RNF149: variants seen among roughly 807,000 people sequenced by gnomAD.
RNF149 encodes the protein ring finger protein 149, also known as E3 ubiquitin-protein ligase RNF149.
Under a neutral mutation model 39.0 loss-of-function variants are expected in RNF149, and 21 were observed. That is an observed-to-expected ratio of 0.54 (90% CI 0.38 to 0.77). The LOEUF is 0.77. Ranked by LOEUF, RNF149 falls within the 30% of genes least tolerant of loss-of-function variation. The pLI is 0.00. For synonymous variants in RNF149, 209 were observed against 213.6 expected, an observed-to-expected ratio of 0.98 and a Z score of 0.19; for missense variants, 493 against 534.9, an observed-to-expected ratio of 0.92 and a Z score of 0.77.
downstream of RNF149, chr2:101,271,749 TAAA>T (rs758039618): frequency 5.3e-5 from 8 of 152,308 alleles, no homozygotes; most frequent in South Asian, 6.2e-4. Flanking sequence ...AATCACCTGT[TAAA>T]AAGAAGACAG....
At chr2:101,273,048 G>A, downstream of RNF149, 1 of 1,355,364 alleles carries the variant, frequency 7.4e-7, no homozygotes, top group Non-Finnish European at 9.8e-7. Context: ...TCATTCCTCA[G>A]TAGCTGGAGG....
chr2:101,299,763 T>C (rs985208384), intron 1 of RNF149, among the ~76,000 whole-genome samples: 1 of 152,244 alleles, frequency 6.6e-6, no homozygotes. Flanking sequence ...CGTTCACATT[T>C]ATGTCTCACT....
At chr2:101,307,054 T>C (rs1275508055) in intron 1 of RNF149, among the ~76,000 whole-genome samples, 2 of 152,138 alleles carry the variant, frequency 1.3e-5, no homozygotes, top group African/African-American at 4.8e-5. Context: ...TACTGGTCGT[T>C]ATTTTACCCG....
intron 1 of RNF149, among the ~76,000 whole-genome samples, chr2:101,296,621 A>T (rs546274483): frequency 6.6e-6 from 1 of 152,304 alleles, no homozygotes; most frequent in Admixed American, 6.5e-5. Context: ...TGAATTATTT[A>T]AAAAATCACG....
In RNF149 at chr2:101,276,910, G is replaced by T; in HGVS notation, c.*328C>A. 2.9e-6 allele frequency: 3 copies of T among 1,043,062 alleles called. No homozygotes were observed. Among genetic ancestry groups the T allele is most frequent in the Non-Finnish European group, 3.5e-6 (3 of 862,930 alleles). 64.6% of individuals were successfully genotyped at this position (1,043,062 alleles called of 1,614,324 possible). A position where few individuals can be genotyped will look rare whatever the true frequency, so the allele number is the denominator to read the frequency against. On this transcript the variant is annotated 3_prime_UTR_variant, in exon 7 of 7. Coordinates refer to ENST00000295317, the MANE Select transcript of RNF149 (RefSeq NM_173647.4). The stretch of plus-strand genomic sequence containing the variant: ...AAACCTTGAAAAATAGAATTAACTG[G>T]TTTTTACAGAACCATAGCAGCCAAT...
chr2:101,272,830 G>A (rs1273424645), downstream of RNF149: 2 of 677,760 alleles, frequency 3.0e-6, no homozygotes, highest in African/African-American at 3.7e-5. Context: ...CCCAGTATAT[G>A]GGGACAATCA....
At chr2:101,295,432 C>G (rs557452947) in intron 1 of RNF149, among the ~76,000 whole-genome samples, 2 of 151,984 alleles carry the variant, frequency 1.3e-5, no homozygotes, top group Non-Finnish European at 2.9e-5. Flanking sequence ...GAGGCCTAGG[C>G]GGGCGGATCA....
downstream of RNF149, chr2:101,272,736 T>C (rs547723406): frequency 1.1e-5 from 4 of 350,702 alleles, no homozygotes; most frequent in South Asian, 8.8e-5. Flanking sequence ...ATTGAGCAAA[T>C]AAACTTCAAC....
Position 101,301,286 on chromosome 2 carries a change from T to A in RNF149, c.461-6105A>T, listed in dbSNP as rs1573260313. Among the ~76,000 whole-genome samples, 3 of 152,008 alleles carry A rather than the reference T, an allele frequency of 2.0e-5. No homozygotes were observed. In the East Asian group the frequency reaches 5.8e-4, roughly 29 times the overall value. On this transcript the variant is annotated intron_variant, in intron 1 of 6. Coordinates refer to ENST00000295317, the MANE Select transcript of RNF149 (RefSeq NM_173647.4). ...GCACAATATCTTTGCACATAGTACA[T>A]AATCATAAATCTACTTGCTGAACAA...
intron 3 of RNF149, 52 bp downstream of exon 3, chr2:101,293,962 C>G: frequency 9.8e-7 from 1 of 1,024,974 alleles, no homozygotes; most frequent in Admixed American, 2.1e-5. Context: ...ACACGTACAG[C>G]ATATTCTCTA....
At chr2:101,272,894 C>T (rs1157646419), downstream of RNF149, 1 of 1,293,780 alleles carries the variant, frequency 7.7e-7, no homozygotes, top group African/African-American at 1.5e-5. Flanking sequence ...TTTGGGATGC[C>T]TTTCTTGACA....
At chr2:101,308,072 C>A in intron 1 of RNF149, 57 bp downstream of exon 1, 7 of 1,578,602 alleles carry the variant, frequency 4.4e-6, no homozygotes, top group Non-Finnish European at 5.2e-6. Context: ...ACCCTGAAGA[C>A]CCCAGCCTCG....
chr2:101,296,891 G>A (rs1225279995), intron 1 of RNF149, among the ~76,000 whole-genome samples: 1 of 152,086 alleles, frequency 6.6e-6, no homozygotes, highest in East Asian at 1.9e-4. Flanking sequence ...TTCACCATGA[G>A]TAAAAGCAAA....
intron 1 of RNF149, among the ~76,000 whole-genome samples, chr2:101,301,430 C>T (rs1196278191): frequency 6.6e-6 from 1 of 151,740 alleles, no homozygotes; most frequent in Admixed American, 6.6e-5. Context: ...CAGGCTCAGG[C>T]GAACCTCCCA....
Position 101,286,115 on chromosome 2 carries a change from C to T in RNF149, c.926G>A (p.Cys309Tyr), listed in dbSNP as rs1682783206. The T allele has an allele frequency of 1.2e-6, 2 of 1,611,920 alleles. No individual in the cohort carries two copies. Among genetic ancestry groups the T allele is most frequent in the Non-Finnish European group, 1.7e-6 (2 of 1,178,194 alleles). ...WLLDHRTCPMCKLDVIKALGY... is the reference protein window; with the variant it reads ...WLLDHRTCPMYKLDVIKALGY... ...TAGGGCTTTGATGACATCAAGTTTA[C>T]ACATTGGACATGTTCGGTGATCCAA... Residue 309 changes from cysteine to tyrosine, a missense_variant, in exon 5 of 7, where the codon TGT (cysteine) becomes TAT (tyrosine). Physicochemically the swap from Cys to Tyr is radical, Grantham distance 194 (BLOSUM62 -2). Transcript: ENST00000295317.
chr2:101,285,364 CT>C (rs1157795890), intron 5 of RNF149, among the ~76,000 whole-genome samples: 2 of 152,140 alleles, frequency 1.3e-5, no homozygotes, highest in African/African-American at 4.8e-5. Context: ...ATTAGGCAAA[CT>C]TTATTTGAAA....
intron 5 of RNF149, among the ~76,000 whole-genome samples, chr2:101,283,254 C>A (rs910723807): frequency 6.6e-6 from 1 of 152,196 alleles, no homozygotes; most frequent in African/African-American, 2.4e-5. Context: ...TGTCTGTATG[C>A]GTGCCCTGAC....
downstream of RNF149, chr2:101,273,083 G>A (rs755096960): frequency 7.3e-7 from 1 of 1,361,490 alleles, no homozygotes; most frequent in South Asian, 1.1e-5. Context: ...GAAAGGCTGT[G>A]TGTTCAGGAT....
At chr2:101,272,839 C>T, downstream of RNF149, 1 of 760,620 alleles carries the variant, frequency 1.3e-6, no homozygotes, top group South Asian at 1.4e-5. Flanking sequence ...TGGGGACAAT[C>T]ACCTATTCCT....
Sources: allele counts gnomAD v4.1 joint callset (sites outside exome capture counted in the v4.1 genomes callset), GRCh38; gene constraint gnomAD v4.1.1; transcripts MANE v1.5; gene names NCBI Gene and HGNC (gene_info 2026-07-23, HGNC 2026-07-21).